Variants in SEMA6D observed in about 807,000 individuals in gnomAD.
SEMA6D encodes the protein semaphorin 6D.
Under a neutral mutation model 106.6 loss-of-function variants are expected in SEMA6D, and 35 were observed. The observed-to-expected ratio is 0.33, with a 90% CI of 0.25 to 0.44. The LOEUF (loss-of-function observed/expected upper bound fraction) is 0.44, where lower values mean the gene tolerates loss of function less well. Among genes scored for constraint, SEMA6D ranks in the 20% least tolerant of loss-of-function variants. The pLI is 1.00. For synonymous variants in SEMA6D, 499 were observed against 487.7 expected (o/e 1.02, Z -0.31); for missense variants, 1,185 against 1,345.9 (o/e 0.88, Z 1.87).
rs1362669170 is a variant in SEMA6D at position 47,764,300 on chromosome 15, G to A, written c.1092G>A (p.Lys364=). ...CAGTTCCCGAAGACAAAGTGCCAAA[G>A]CCAAGGTAAATAAAAAAGTAGAAAA... The part of the protein sequence containing the change: ...WTAVPEDKVP[K]PRPGCCAKHG... Residue 364 remains lysine, a synonymous_variant, in exon 11 of 19, where the codon AAG becomes AAA. Transcript: ENST00000536845. 8.7e-6 allele frequency: 14 copies of A among 1,611,288 alleles called. No individual in the cohort carries two copies. In the East Asian group the frequency reaches 1.8e-4, roughly 21 times the overall value.
At chr15:47,278,203 G>A (rs985811941) in intron 1 of SEMA6D, among the ~76,000 whole-genome samples, 9 of 152,164 alleles carry the variant, frequency 5.9e-5, no homozygotes, top group African/African-American at 1.9e-4. Context: ...CTTCCACAGT[G>A]GTTGAACTAG....
intron 1 of SEMA6D, among the ~76,000 whole-genome samples, chr15:47,244,963 T>G (rs1440946100): frequency 6.6e-6 from 1 of 152,122 alleles, no homozygotes; most frequent in African/African-American, 2.4e-5. Flanking sequence ...GTTTTCTGTT[T>G]CTGCAATAAT....
chr15:47,752,818 G>A (rs917465772), intron 1 of SEMA6D, among the ~76,000 whole-genome samples: 1 of 152,060 alleles, frequency 6.6e-6, no homozygotes, highest in East Asian at 1.9e-4. Flanking sequence ...AGACCAGCCT[G>A]GCCAACATGA....
chr15:47,468,107 A>T (rs1358706053), intron 2 of SEMA6D, among the ~76,000 whole-genome samples: 2 of 152,144 alleles, frequency 1.3e-5, no homozygotes, highest in Non-Finnish European at 2.9e-5. Flanking sequence ...TTGGAAATAC[A>T]GTACAATCAA....
In SEMA6D at chr15:47,543,620, C is replaced by G. The variant is rs554727079; in HGVS notation, c.-86-57245C>G. 5.9e-5 allele frequency among the ~76,000 whole-genome samples: 9 copies of G among 152,258 alleles called. 1 individual carries two copies. The highest frequency in any genetic ancestry group is 2.2e-4 in the African/African-American group (9 of 41,566). On this transcript the variant is annotated intron_variant, in intron 3 of 19. Coordinates refer to the SEMA6D transcript ENST00000558014. Reference sequence around the variant, plus strand: ...TAAAGGGCCTAAATTTTAGTCTACACCTACTATGTCACCTATGGGCTAGTT... The same window carrying G: ...TAAAGGGCCTAAATTTTAGTCTACAGCTACTATGTCACCTATGGGCTAGTT...
chr15:47,300,835 G>A (rs573359607), intron 1 of SEMA6D, among the ~76,000 whole-genome samples: 2 of 152,294 alleles, frequency 1.3e-5, no homozygotes, highest in East Asian at 3.9e-4. Flanking sequence ...ATGTCATGTA[G>A]CCACCAAGCT....
Position 47,247,931 on chromosome 15 carries a change from C to T in SEMA6D, c.-239+63513C>T, listed in dbSNP as rs377462558. ...AAAGGCAAGGGAAGGATTTTTAATC[C>T]CCTCCATTGACTATGGGGATGTAGA... On this transcript the variant is annotated intron_variant, in intron 1 of 19. Coordinates refer to the SEMA6D transcript ENST00000558014. 1.1e-4 allele frequency among the ~76,000 whole-genome samples: 17 copies of T among 152,192 alleles called. No homozygotes were observed. The East Asian group carries it at 3.3e-3, about 29-fold the overall frequency.
At chr15:47,338,461 G>A (rs948942773) in intron 1 of SEMA6D, among the ~76,000 whole-genome samples, 12 of 152,098 alleles carry the variant, frequency 7.9e-5, no homozygotes, top group Non-Finnish European at 1.5e-4. Flanking sequence ...TTACATGCCT[G>A]TATCAAAACA....
intron 3 of SEMA6D, among the ~76,000 whole-genome samples, chr15:47,594,173 A>G (rs2076494923): frequency 6.6e-6 from 1 of 152,248 alleles, no homozygotes; most frequent in Non-Finnish European, 1.5e-5. Flanking sequence ...TCTCTACAGA[A>G]CTGAAATCAC....
chr15:47,768,738 T>G lies in SEMA6D; in HGVS notation c.1923T>G (p.Gly641=), dbSNP rs1249845383. Residue 641 remains glycine, a synonymous_variant, in exon 18 of 19, where the codon GGT becomes GGG. Transcript: ENST00000536845. ...NTSDFTDPLS[G]IPKGVRWEVQ... is the part of the protein sequence containing the mutation. The stretch of plus-strand genomic sequence containing the variant: ...CTGATTTTACTGATCCTTTATCGGG[T>G]ATCCCAAAGGGTAAGGCCTCAGCAG... The G allele has an allele frequency of 6.2e-7, 1 of 1,612,932 alleles. No homozygotes were observed. The highest frequency in any genetic ancestry group is 8.5e-7 in the Non-Finnish European group (1 of 1,179,234).
chr15:47,438,380 A>G (rs1027879700), intron 2 of SEMA6D, among the ~76,000 whole-genome samples: 1 of 152,074 alleles, frequency 6.6e-6, no homozygotes, highest in Non-Finnish European at 1.5e-5. Flanking sequence ...TTTAAACTAT[A>G]GATCAGATAT....
At chr15:47,753,044 A>G (rs2081532753) in intron 1 of SEMA6D, among the ~76,000 whole-genome samples, 3 of 151,988 alleles carry the variant, frequency 2.0e-5, no homozygotes, top group East Asian at 1.9e-4. Flanking sequence ...GAGTTGATGT[A>G]TTTGGCAATG....
chr15:47,403,102 CACCT>C, intron 1 of SEMA6D, among the ~76,000 whole-genome samples: 1 of 151,312 alleles, frequency 6.6e-6, no homozygotes, highest in East Asian at 1.9e-4. Context: ...TCTTGCAGTC[CACCT>C]GAGGAAGTTT....
chr15:47,714,877 G>A (rs147674372), upstream of SEMA6D, among the ~76,000 whole-genome samples: 3 of 152,286 alleles, frequency 2.0e-5, no homozygotes, highest in African/African-American at 7.2e-5. Flanking sequence ...TTTATTGGGC[G>A]TCCATTAAAT....
intron 1 of SEMA6D, among the ~76,000 whole-genome samples, chr15:47,344,174 C>T (rs927820512): frequency 6.4e-5 from 9 of 140,470 alleles, no homozygotes; most frequent in African/African-American, 8.9e-5. Flanking sequence ...GTCGGTGTGG[C>T]GATTCCTCAC....
At chr15:47,195,371 T>G (rs1284045099) in intron 1 of SEMA6D, among the ~76,000 whole-genome samples, 6 of 152,182 alleles carry the variant, frequency 3.9e-5, no homozygotes, top group Non-Finnish European at 8.8e-5. Context: ...TCTAACTTTC[T>G]CTGCCAGAGC....
chr15:47,641,038 G>A (rs1365615424), intron 4 of SEMA6D, among the ~76,000 whole-genome samples: 1 of 152,146 alleles, frequency 6.6e-6, no homozygotes, highest in East Asian at 1.9e-4. Context: ...CCCAGTGGTC[G>A]TCCTTTTCAA....
chr15:47,427,175 G>C (rs1475625515), intron 2 of SEMA6D, among the ~76,000 whole-genome samples: 1 of 152,076 alleles, frequency 6.6e-6, no homozygotes, highest in Non-Finnish European at 1.5e-5. Context: ...AACTTTAATG[G>C]GGAGAAAGGA....
intron 1 of SEMA6D, among the ~76,000 whole-genome samples, chr15:47,253,439 A>C (rs2033629154): frequency 6.6e-6 from 1 of 152,144 alleles, no homozygotes; most frequent in African/African-American, 2.4e-5. Flanking sequence ...CACCCAAGGA[A>C]ATGCCATGAA....
Sources: gnomAD v4.1 joint callset for allele counts (sites outside exome capture counted in the v4.1 genomes callset) on GRCh38, gnomAD v4.1.1 for gene constraint, MANE v1.5 for transcripts, NCBI Gene and HGNC (gene_info 2026-07-23, HGNC 2026-07-21) for gene names.